Variants in LTBP1 observed in about 807,000 individuals in gnomAD.
LTBP1 encodes the protein latent-transforming growth factor beta-binding protein 1.
In LTBP1, 129 loss-of-function variants were observed where a neutral mutation model predicts 207.6. The observed-to-expected ratio is 0.62, with a 90% CI of 0.54 to 0.72. The LOEUF (loss-of-function observed/expected upper bound fraction) is 0.72, where lower values mean the gene tolerates loss of function less well. Among genes scored for constraint, LTBP1 ranks in the 30% least tolerant of loss-of-function variants. LTBP1 has a pLI of 0.00. For synonymous variants in LTBP1, 963 were observed against 833.7 expected, an observed-to-expected ratio of 1.16 and a Z score of -2.67; for missense variants, 2,281 against 2,217.2, an observed-to-expected ratio of 1.03 and a Z score of -0.58.
intron 31 of LTBP1, among the ~76,000 whole-genome samples, chr2:33,378,068 AC>A (rs2095164347): frequency 6.6e-6 from 1 of 152,130 alleles, no homozygotes; most frequent in Middle Eastern, 3.2e-3. Flanking sequence ...TAGCAGTTTT[AC>A]CTTTCTCCTG....
chr2:33,246,488 C>G (rs1221605863), intron 10 of LTBP1, among the ~76,000 whole-genome samples: 1 of 151,848 alleles, frequency 6.6e-6, no homozygotes, highest in African/African-American at 2.4e-5. Context: ...CGCACACACA[C>G]ACACACAGAC....
chr2:33,216,729 T>A (rs890352106), intron 7 of LTBP1, among the ~76,000 whole-genome samples: 1 of 152,186 alleles, frequency 6.6e-6, no homozygotes, highest in African/African-American at 2.4e-5. Context: ...CCCCTCAGGC[T>A]GGCCTTTGGA....
chr2:33,170,898 C>G (rs1003321002), intron 5 of LTBP1, among the ~76,000 whole-genome samples: 1 of 152,294 alleles, frequency 6.6e-6, no homozygotes, highest in African/African-American at 2.4e-5. Context: ...CCCAGGCAAA[C>G]AGGGTCTGGA....
At chr2:33,200,082 A>C (rs1041354822) in intron 7 of LTBP1, among the ~76,000 whole-genome samples, 2 of 152,216 alleles carry the variant, frequency 1.3e-5, no homozygotes, top group African/African-American at 4.8e-5. Flanking sequence ...TGCCATCCCC[A>C]TCAAGCTACC....
At chr2:32,953,509 A>G (rs939923422) in intron 2 of LTBP1, among the ~76,000 whole-genome samples, 2 of 152,230 alleles carry the variant, frequency 1.3e-5, no homozygotes, top group Non-Finnish European at 2.9e-5. Flanking sequence ...ACCTCGGTGA[A>G]GAGAGAGGAA....
chr2:33,005,903 G>A (rs538556024), intron 2 of LTBP1, among the ~76,000 whole-genome samples: 16 of 150,208 alleles, frequency 1.1e-4, no homozygotes, highest in African/African-American at 3.9e-4. Flanking sequence ...GCCTTTTGAT[G>A]GGAGTAGCAG....
chr2:33,070,814 G>A (rs912649529), intron 3 of LTBP1, among the ~76,000 whole-genome samples: 2 of 152,154 alleles, frequency 1.3e-5, no homozygotes, highest in Non-Finnish European at 2.9e-5. Context: ...GCACTGTGGC[G>A]TGGGGGAGTA....
chr2:33,214,255 C>G (rs2090523186), intron 7 of LTBP1, among the ~76,000 whole-genome samples: 1 of 152,140 alleles, frequency 6.6e-6, no homozygotes, highest in Non-Finnish European at 1.5e-5. Context: ...CATTTTGTTC[C>G]CAGTCTTAGG....
At chr2:33,336,930 A>G (rs2094559986) in intron 24 of LTBP1, among the ~76,000 whole-genome samples, 1 of 152,234 alleles carries the variant, frequency 6.6e-6, no homozygotes, top group Admixed American at 6.5e-5. Context: ...AGATACACAT[A>G]GACTTTTCTG....
intron 9 of LTBP1, among the ~76,000 whole-genome samples, chr2:33,229,224 C>G (rs555711180): frequency 2.6e-5 from 4 of 152,132 alleles, no homozygotes; most frequent in Non-Finnish European, 5.9e-5. Context: ...ATTCCCAGCA[C>G]TTTGGGAGGC....
chr2:33,100,642 C>T (rs866656545), intron 3 of LTBP1, among the ~76,000 whole-genome samples: 3 of 152,162 alleles, frequency 2.0e-5, no homozygotes, highest in Middle Eastern at 6.8e-3. Context: ...TTTCTGTTTC[C>T]AGAACTTTTC....
intron 2 of LTBP1, among the ~76,000 whole-genome samples, chr2:33,019,453 AG>A (rs2075040147): frequency 6.8e-6 from 1 of 146,790 alleles, no homozygotes; most frequent in African/African-American, 2.5e-5. Context: ...CTCCTACCTC[AG>A]CCTTCCGAGA....
chr2:32,977,135 C>T (rs573896589), intron 2 of LTBP1, among the ~76,000 whole-genome samples: 1 of 152,346 alleles, frequency 6.6e-6, no homozygotes, highest in South Asian at 2.1e-4. Context: ...ACTGGAAGCT[C>T]TAGCAGGCAT....
At chr2:33,269,101 CCATTCATTCATT>C (rs3050390) in intron 15 of LTBP1, among the ~76,000 whole-genome samples, 27 of 151,556 alleles carry the variant, frequency 1.8e-4, no homozygotes, top group African/African-American at 4.6e-4. Context: ...TTTCCAGACT[CCATTCATTCATT>C]CATTCATTCA....
intron 33 of LTBP1, among the ~76,000 whole-genome samples, chr2:33,397,503 A>ATTTTTT (rs1459402012): frequency 9.0e-5 from 7 of 77,898 alleles, no homozygotes; most frequent in African/African-American, 3.0e-4. Flanking sequence ...TTTTACCACA[A>ATTTTTT]TTCTTTTTTT....
chr2:33,206,786 A>G (rs769987402), intron 7 of LTBP1, among the ~76,000 whole-genome samples: 9 of 151,882 alleles, frequency 5.9e-5, no homozygotes, highest in African/African-American at 2.2e-4. Flanking sequence ...ATTTATGTTC[A>G]TCATTTTGGG....
chr2:33,068,321 G>C (rs2077619745), intron 3 of LTBP1, among the ~76,000 whole-genome samples: 1 of 151,796 alleles, frequency 6.6e-6, no homozygotes, highest in South Asian at 2.1e-4. Context: ...CCAAAATGAA[G>C]GGAAATAGAT....
At chr2:32,991,207 T>A (rs1424964730) in intron 2 of LTBP1, among the ~76,000 whole-genome samples, 1 of 152,242 alleles carries the variant, frequency 6.6e-6, no homozygotes, top group Non-Finnish European at 1.5e-5. Flanking sequence ...AATAAATATT[T>A]GCCCGCATTA....
intron 5 of LTBP1, among the ~76,000 whole-genome samples, chr2:33,136,499 T>A (rs556875910): frequency 0.011 from 1,546 of 146,044 alleles, 20 homozygotes; most frequent in African/African-American, 0.032. Flanking sequence ...CTTAAAAAAA[T>A]TTTTTTTTTT....
Sources: allele counts gnomAD v4.1 joint callset (sites outside exome capture counted in the v4.1 genomes callset), GRCh38; gene constraint gnomAD v4.1.1; transcripts MANE v1.5; gene names NCBI Gene and HGNC (gene_info 2026-07-23, HGNC 2026-07-21).